The following GALNT13 variants were observed in gnomAD, a reference collection of about 807,000 sequenced individuals.
GALNT13 encodes the protein polypeptide N-acetylgalactosaminyltransferase 13.
A neutral mutation model predicts 64.2 loss-of-function variants in GALNT13; 28 were observed. That is an observed-to-expected ratio of 0.44 (90% CI 0.32 to 0.60). The LOEUF (loss-of-function observed/expected upper bound fraction) is 0.60, where lower values mean the gene tolerates loss of function less well. Ranked by LOEUF, GALNT13 falls within the 20% of genes least tolerant of loss-of-function variation. The pLI is 0.05. For missense variants in GALNT13, 577 were observed against 669.8 expected, an observed-to-expected ratio of 0.86 and a Z score of 1.53; for synonymous variants, 214 against 224.6, an observed-to-expected ratio of 0.95 and a Z score of 0.42.
At chr2:153,503,409 G>C in the GALNT13 span, among the ~76,000 whole-genome samples, 26 of 151,994 alleles carry the variant, frequency 1.7e-4, no homozygotes, top group Non-Finnish European at 3.2e-4. Flanking sequence ...TCTCTATTCT[G>C]TTCCATTTGG....
chr2:154,249,349 C>T lies in GALNT13; in HGVS notation c.857+3367C>T, dbSNP rs540889072. Among the ~76,000 whole-genome samples the T allele has an allele frequency of 4.6e-5, 7 of 152,156 alleles. No homozygotes were observed. The South Asian group carries it at 1.5e-3, about 32-fold the overall frequency. On this transcript the variant is annotated intron_variant, in intron 7 of 12. Transcript: ENST00000392825. ...GTCTGGCACTGGCCACAGGTATGCT[C>T]GATGAGGGAAAGAGTCTAGTGTAAA...
chr2:153,954,615 A>G (rs1007195307), intron 3 of GALNT13, among the ~76,000 whole-genome samples: 7 of 149,644 alleles, frequency 4.7e-5, no homozygotes, highest in African/African-American at 1.7e-4. Flanking sequence ...TATAATAATA[A>G]TTTATTATAA....
At chr2:153,832,467 A>C in the GALNT13 span, among the ~76,000 whole-genome samples, 2 of 152,154 alleles carry the variant, frequency 1.3e-5, no homozygotes, top group African/African-American at 4.8e-5. Context: ...GTAGTTGTAA[A>C]AGATCTTTAT....
chr2:154,388,469 G>C (rs1314794673), intron 9 of GALNT13, among the ~76,000 whole-genome samples: 1 of 148,430 alleles, frequency 6.7e-6, no homozygotes, highest in African/African-American at 2.5e-5. Flanking sequence ...TTTTTGTCCA[G>C]ACAAATATGG....
chr2:154,032,500 T>C (rs1574377425), intron 3 of GALNT13, among the ~76,000 whole-genome samples: 1 of 151,996 alleles, frequency 6.6e-6, no homozygotes, highest in East Asian at 1.9e-4. Context: ...TGAATATAGA[T>C]ACAAGAATCT....
At chr2:153,465,017 A>T in the GALNT13 span, among the ~76,000 whole-genome samples, 1 of 152,080 alleles carries the variant, frequency 6.6e-6, no homozygotes, top group East Asian at 1.9e-4. Flanking sequence ...TTTTGATTCA[A>T]AATTAATAAG....
the GALNT13 span, among the ~76,000 whole-genome samples, chr2:153,686,258 T>C: frequency 6.6e-6 from 1 of 152,102 alleles, no homozygotes; most frequent in Non-Finnish European, 1.5e-5. Context: ...TTTCACAATA[T>C]TGATTCTTCC....
chr2:153,336,228 G>A, the GALNT13 span, among the ~76,000 whole-genome samples: 3 of 152,200 alleles, frequency 2.0e-5, no homozygotes, highest in Admixed American at 2.0e-4. Flanking sequence ...TTGGGGCACT[G>A]CCTAGTGGAG....
At chr2:153,765,971 G>A in the GALNT13 span, among the ~76,000 whole-genome samples, 1 of 152,164 alleles carries the variant, frequency 6.6e-6, no homozygotes, top group Non-Finnish European at 1.5e-5. Context: ...CCCCAAGCAT[G>A]TGGAACTGTG....
Position 154,163,761 on chromosome 2 carries a change from A to C in GALNT13, c.311+23256A>C, listed in dbSNP as rs547067761. ...AATGGGAAGTTAGTAGAAATGGTGG[A>C]GTTTAAGTAGGAGCACATAGAAATA... On this transcript the variant is annotated intron_variant, in intron 4 of 12. Coordinates refer to ENST00000392825, the MANE Select transcript of GALNT13 (RefSeq NM_052917.4). Among the ~76,000 whole-genome samples, 7 of 152,342 alleles carry C rather than the reference A, an allele frequency of 4.6e-5. No individual in the cohort carries two copies. The East Asian group carries it at 1.3e-3, about 29-fold the overall frequency.
At chr2:154,062,327 C>G (rs530725346) in intron 3 of GALNT13, among the ~76,000 whole-genome samples, 2 of 152,190 alleles carry the variant, frequency 1.3e-5, no homozygotes, top group African/African-American at 4.8e-5. Context: ...TTCCTTTTAT[C>G]TTTATTTCTG....
chr2:153,246,963 C>T, the GALNT13 span, among the ~76,000 whole-genome samples: 1 of 151,850 alleles, frequency 6.6e-6, no homozygotes, highest in African/African-American at 2.4e-5. Flanking sequence ...ATTTACCAAG[C>T]AAATGAAAAG....
intron 3 of GALNT13, among the ~76,000 whole-genome samples, chr2:154,016,883 C>T (rs911125029): frequency 3.3e-5 from 5 of 151,912 alleles, no homozygotes; most frequent in Non-Finnish European, 7.4e-5. Flanking sequence ...AAAGAGTGAT[C>T]GGTCAAGGGA....
At chr2:153,109,062 A>G in the GALNT13 span, among the ~76,000 whole-genome samples, 1 of 152,168 alleles carries the variant, frequency 6.6e-6, no homozygotes, top group East Asian at 1.9e-4. Context: ...GATGTCCAAG[A>G]GATACTAGAG....
the GALNT13 span, among the ~76,000 whole-genome samples, chr2:153,391,015 T>C: frequency 2.0e-5 from 3 of 152,112 alleles, no homozygotes; most frequent in East Asian, 5.8e-4. Flanking sequence ...TTTGGTTTAA[T>C]TGAGAGTGTG....
At chr2:153,167,709 G>T in the GALNT13 span, among the ~76,000 whole-genome samples, 1 of 152,146 alleles carries the variant, frequency 6.6e-6, no homozygotes, top group Admixed American at 6.6e-5. Flanking sequence ...ACCTTCTTGA[G>T]ATTAGGTTAC....
chr2:153,817,213 T>A, the GALNT13 span, among the ~76,000 whole-genome samples: 1 of 152,160 alleles, frequency 6.6e-6, no homozygotes, highest in African/African-American at 2.4e-5. Context: ...ATCAGGACCA[T>A]CTGATAGAGG....
chr2:153,393,209 G>T, the GALNT13 span, among the ~76,000 whole-genome samples: 1 of 151,842 alleles, frequency 6.6e-6, no homozygotes, highest in Admixed American at 6.6e-5. Flanking sequence ...CTTCTCATTA[G>T]ACCAATCGAC....
At chr2:153,597,612 CAA>C in the GALNT13 span, among the ~76,000 whole-genome samples, 1 of 151,370 alleles carries the variant, frequency 6.6e-6, no homozygotes, top group African/African-American at 2.4e-5. Context: ...GCACAAACAG[CAA>C]AAAAATAAAT....
Sources: allele counts gnomAD v4.1 joint callset (sites outside exome capture counted in the v4.1 genomes callset), GRCh38; gene constraint gnomAD v4.1.1; transcripts MANE v1.5; gene names NCBI Gene and HGNC (gene_info 2026-07-23, HGNC 2026-07-21).